NAALADL2: variants seen among roughly 807,000 people sequenced by gnomAD.
NAALADL2 encodes the protein inactive N-acetylated-alpha-linked acidic dipeptidase-like protein 2.
NAALADL2 carries 76 observed loss-of-function variants against 87.2 expected under a neutral mutation model. The observed-to-expected ratio is 0.87, with a 90% CI of 0.72 to 1.05. The LOEUF is 1.05. NAALADL2 is among the 50% of genes least tolerant of loss of function. NAALADL2 has a pLI of 0.00. For synonymous variants in NAALADL2, 354 were observed against 331.0 expected (o/e 1.07, Z -0.75); for missense variants, 1,089 against 945.8 (o/e 1.15, Z -1.99).
intron 2 of NAALADL2, among the ~76,000 whole-genome samples, chr3:175,099,043 C>T (rs973000620): frequency 1.3e-5 from 2 of 151,958 alleles, no homozygotes; most frequent in African/African-American, 4.8e-5. Flanking sequence ...TCATAACATG[C>T]ATTTTATTTA....
chr3:174,984,086 A>AT (rs1485166462), intron 1 of NAALADL2, among the ~76,000 whole-genome samples: 2 of 151,750 alleles, frequency 1.3e-5, no homozygotes, highest in East Asian at 3.9e-4. Context: ...AGTAAAACAA[A>AT]TTATAAAGAA....
At chr3:175,234,461 C>G (rs1298855285) in intron 3 of NAALADL2, among the ~76,000 whole-genome samples, 3 of 152,122 alleles carry the variant, frequency 2.0e-5, no homozygotes, top group Non-Finnish European at 4.4e-5. Flanking sequence ...ACATTTTGCT[C>G]TGTCCATATA....
At chr3:174,625,407 CTT>C (rs1184428228) in intron 2 of NAALADL2, among the ~76,000 whole-genome samples, 6 of 151,690 alleles carry the variant, frequency 4.0e-5, no homozygotes, top group African/African-American at 1.5e-4. Flanking sequence ...CAAATAATTA[CTT>C]TTTACTTTCT....
intron 1 of NAALADL2, among the ~76,000 whole-genome samples, chr3:174,984,548 A>G (rs914122890): frequency 5.3e-5 from 8 of 152,294 alleles, no homozygotes; most frequent in African/African-American, 1.9e-4. Flanking sequence ...CAAGGACAGG[A>G]CCTAGGAATC....
intron 2 of NAALADL2, among the ~76,000 whole-genome samples, chr3:174,737,202 A>G (rs1473178980): frequency 6.6e-6 from 1 of 152,122 alleles, no homozygotes; most frequent in East Asian, 1.9e-4. Flanking sequence ...ACACCTCTAT[A>G]TTCCCCAGGC....
At chr3:174,655,447 C>T (rs932716477) in intron 2 of NAALADL2, among the ~76,000 whole-genome samples, 1 of 150,390 alleles carries the variant, frequency 6.6e-6, no homozygotes, top group Non-Finnish European at 1.5e-5. Flanking sequence ...AAGCCACCAC[C>T]GTAAACTAGA....
chr3:175,136,336 G>T lies in NAALADL2; in HGVS notation c.545+39045G>T, dbSNP rs1426644422. On this transcript the variant is annotated intron_variant, in intron 2 of 13. Coordinates refer to ENST00000454872, the MANE Select transcript of NAALADL2 (RefSeq NM_207015.3). Reference sequence around the variant, plus strand: ...TTTATCACTGTTTCATGGATATTTGGTGTCACTGTGTCTAGCTTAAATGGT... The same window carrying T: ...TTTATCACTGTTTCATGGATATTTGTTGTCACTGTGTCTAGCTTAAATGGT... Among the ~76,000 whole-genome samples, 4 of 152,154 alleles carry T rather than the reference G, an allele frequency of 2.6e-5. 1 individual carries two copies.
intron 2 of NAALADL2, among the ~76,000 whole-genome samples, chr3:175,113,064 G>C (rs1250334632): frequency 1.3e-5 from 2 of 151,646 alleles, no homozygotes; most frequent in Non-Finnish European, 3.0e-5. Flanking sequence ...TCAGCTTTCA[G>C]AAGTAGATTA....
intron 3 of NAALADL2, among the ~76,000 whole-genome samples, chr3:174,844,945 C>G (rs1441442510): frequency 7.1e-6 from 1 of 141,026 alleles, no homozygotes; most frequent in African/African-American, 2.7e-5. Flanking sequence ...GCAGAAAGCT[C>G]TCTCTGCAGG....
At chr3:174,904,270 AG>A (rs1443337187) in intron 1 of NAALADL2, among the ~76,000 whole-genome samples, 9 of 151,896 alleles carry the variant, frequency 5.9e-5, no homozygotes, top group Non-Finnish European at 1.0e-4. Context: ...ATAATGTTAA[AG>A]TGTTAGAATG....
chr3:175,701,246 A>G (rs1010008652), intron 11 of NAALADL2, among the ~76,000 whole-genome samples: 1 of 152,120 alleles, frequency 6.6e-6, no homozygotes, highest in Non-Finnish European at 1.5e-5. Context: ...AGGGGAGCAT[A>G]TTTGGCTTTT....
chr3:174,530,796 G>A (rs9865774), intron 1 of NAALADL2, among the ~76,000 whole-genome samples: 104,243 of 152,088 alleles, frequency 0.69, 35,954 homozygotes, highest in East Asian at 0.87. Context: ...TTGAGATATG[G>A]GTGGGGACAC....
At chr3:175,146,968 A>T (rs1730840615) in intron 2 of NAALADL2, among the ~76,000 whole-genome samples, 1 of 152,204 alleles carries the variant, frequency 6.6e-6, no homozygotes, top group Non-Finnish European at 1.5e-5. Context: ...ATAGTCCCCA[A>T]ATTATTTGCA....
At chr3:175,548,290 T>G (rs1020809988) in intron 9 of NAALADL2, among the ~76,000 whole-genome samples, 2 of 152,052 alleles carry the variant, frequency 1.3e-5, no homozygotes, top group Non-Finnish European at 2.9e-5. Context: ...CTTACCAAAC[T>G]AACACAGGAA....
chr3:175,547,131 A>C (rs1010175380), intron 9 of NAALADL2, among the ~76,000 whole-genome samples: 1 of 152,130 alleles, frequency 6.6e-6, no homozygotes, highest in Non-Finnish European at 1.5e-5. Flanking sequence ...AGCAAAAAGA[A>C]CAAAGCTGGA....
chr3:174,896,974 C>T (rs1307383416), intron 1 of NAALADL2, among the ~76,000 whole-genome samples: 1 of 152,124 alleles, frequency 6.6e-6, no homozygotes. Flanking sequence ...TATCCATATG[C>T]AAACAAATGA....
intron 9 of NAALADL2, among the ~76,000 whole-genome samples, chr3:175,567,425 T>C (rs543867385): frequency 2.0e-5 from 3 of 152,152 alleles, no homozygotes; most frequent in Non-Finnish European, 2.9e-5. Context: ...CATTAGTACA[T>C]AATGAAATTT....
chr3:175,085,147 T>C (rs1718634512), intron 1 of NAALADL2, among the ~76,000 whole-genome samples: 1 of 152,136 alleles, frequency 6.6e-6, no homozygotes, highest in Non-Finnish European at 1.5e-5. Context: ...TATGGCAGAG[T>C]GGTTAAGAAC....
chr3:175,582,950 A>G (rs1719992150), intron 10 of NAALADL2, among the ~76,000 whole-genome samples: 1 of 152,126 alleles, frequency 6.6e-6, no homozygotes, highest in Non-Finnish European at 1.5e-5. Context: ...GTTCAGTGAT[A>G]TGCTTGCGTG....
Sources: gnomAD v4.1 joint callset for allele counts (sites outside exome capture counted in the v4.1 genomes callset) on GRCh38, gnomAD v4.1.1 for gene constraint, MANE v1.5 for transcripts, NCBI Gene and HGNC (gene_info 2026-07-23, HGNC 2026-07-21) for gene names.